The following PCSK5 variants were observed in gnomAD, a reference collection of about 807,000 sequenced individuals.
PCSK5 encodes prohormone convertase 5.
In PCSK5, 129 loss-of-function variants were observed where a neutral mutation model predicts 233.2. The observed-to-expected ratio is 0.55, with a 90% CI of 0.48 to 0.64. The LOEUF (loss-of-function observed/expected upper bound fraction) is 0.64, where lower values mean the gene tolerates loss of function less well. Among genes scored for constraint, PCSK5 ranks in the 30% least tolerant of loss-of-function variants. PCSK5 has a pLI of 0.00. For missense variants in PCSK5, 2,076 were observed against 2,430.1 expected, an observed-to-expected ratio of 0.85 and a Z score of 3.06; for synonymous variants, 825 against 879.2, an observed-to-expected ratio of 0.94 and a Z score of 1.09.
intron 9 of PCSK5, among the ~76,000 whole-genome samples, chr9:76,132,492 C>T (rs1404938906): frequency 3.9e-5 from 6 of 151,976 alleles, no homozygotes; most frequent in Non-Finnish European, 5.9e-5. Context: ...CCAGTCTTAA[C>T]CCGCTCTGGA....
At chr9:75,964,215 A>G (rs35428069) in intron 2 of PCSK5, among the ~76,000 whole-genome samples, 9,738 of 152,318 alleles carry the variant, frequency 0.064, 352 homozygotes, top group Middle Eastern at 0.11. Flanking sequence ...GGCACTGGCC[A>G]GAATACCAGG....
At chr9:75,927,883 G>A (rs558333711) in intron 1 of PCSK5, among the ~76,000 whole-genome samples, 1 of 152,302 alleles carries the variant, frequency 6.6e-6, no homozygotes, top group East Asian at 1.9e-4. Context: ...ATCAAATGCA[G>A]TTTTCCCTGA....
At chr9:76,224,651 G>A (rs1430503716) in intron 20 of PCSK5, among the ~76,000 whole-genome samples, 2 of 152,176 alleles carry the variant, frequency 1.3e-5, no homozygotes, top group African/African-American at 4.8e-5. Flanking sequence ...TCTGGAGGAT[G>A]TATTTAAAAT....
At chr9:76,082,763 G>T (rs947255018) in intron 7 of PCSK5, among the ~76,000 whole-genome samples, 2 of 151,714 alleles carry the variant, frequency 1.3e-5, no homozygotes, top group Non-Finnish European at 2.9e-5. Flanking sequence ...TTCATCAGCA[G>T]GTGTATAATA....
rs141708436 is a variant in PCSK5 at position 76,344,362 on chromosome 9, C to T, written c.4966+5915C>T. On this transcript the variant is annotated intron_variant, in intron 35 of 37. Transcript: ENST00000674117. ...CTCACCACCCACCATTCCCAGGAAG[C>T]CCCTAAAGCAACTCCATAAAAACTC... 2.8e-3 allele frequency among the ~76,000 whole-genome samples: 429 copies of T among 152,138 alleles called. 1 individual carries two copies. The highest frequency in any genetic ancestry group is 0.01 in the African/African-American group (415 of 41,492).
intron 2 of PCSK5, among the ~76,000 whole-genome samples, chr9:75,964,681 A>T (rs1199587118): frequency 6.6e-6 from 1 of 152,236 alleles, no homozygotes; most frequent in East Asian, 1.9e-4. Context: ...ATGCCAATGT[A>T]TGACTAATAG....
At chr9:76,197,686 C>T (rs1460875335) in intron 20 of PCSK5, among the ~76,000 whole-genome samples, 3 of 143,378 alleles carry the variant, frequency 2.1e-5, no homozygotes, top group Non-Finnish European at 4.5e-5. Flanking sequence ...TAAACTATGG[C>T]TCAGCCAATT....
chr9:76,077,518 A>G (rs1830682898), intron 7 of PCSK5, among the ~76,000 whole-genome samples: 2 of 152,150 alleles, frequency 1.3e-5, no homozygotes, highest in African/African-American at 4.8e-5. Flanking sequence ...TAGTGAGTAT[A>G]GTACCCAGCA....
At chr9:76,190,169 C>A (rs928501983) in intron 20 of PCSK5, among the ~76,000 whole-genome samples, 1 of 152,060 alleles carries the variant, frequency 6.6e-6, no homozygotes, top group Non-Finnish European at 1.5e-5. Context: ...CATTATCACC[C>A]AAAGTCCACA....
At chr9:75,910,011 T>C (rs1055088667) in intron 1 of PCSK5, among the ~76,000 whole-genome samples, 1 of 152,228 alleles carries the variant, frequency 6.6e-6, no homozygotes, top group African/African-American at 2.4e-5. Context: ...TTCATTAGTC[T>C]GAGTCCTTGA....
chr9:76,358,509 A>C lies in PCSK5; in HGVS notation c.5255-4A>C. On this transcript the variant is annotated splice_polypyrimidine_tract_variant and splice_region_variant and intron_variant, in intron 37 of 37. Coordinates refer to ENST00000674117, the MANE Select transcript of PCSK5 (RefSeq NM_001372043.1). ...CCTCTTCCTTTGAGGTCTTCTTCCA[A>C]CAGACGAATGCATCCTTCGAACAAG... 2 of 1,604,912 alleles carry C rather than the reference A, an allele frequency of 1.2e-6. No homozygotes were observed. Among genetic ancestry groups the C allele is most frequent in the East Asian group, 4.5e-5 (2 of 44,652 alleles).
At chr9:75,978,172 G>A (rs1826112247) in intron 2 of PCSK5, among the ~76,000 whole-genome samples, 1 of 151,960 alleles carries the variant, frequency 6.6e-6, no homozygotes, top group African/African-American at 2.4e-5. Flanking sequence ...CTTTTAATAA[G>A]GAGAAAATTT....
chr9:75,977,599 T>G (rs1826080738), intron 2 of PCSK5, among the ~76,000 whole-genome samples: 1 of 149,360 alleles, frequency 6.7e-6, no homozygotes, highest in Non-Finnish European at 1.5e-5. Flanking sequence ...AAGATAAAAA[T>G]ATGTACAAGA....
chr9:75,982,433 A>G (rs1426560168), intron 2 of PCSK5, among the ~76,000 whole-genome samples: 2 of 152,172 alleles, frequency 1.3e-5, no homozygotes, highest in Non-Finnish European at 2.9e-5. Context: ...TTATGTGAGA[A>G]TGAACCTTTT....
chr9:76,119,949 A>G (rs1346784905), intron 9 of PCSK5, among the ~76,000 whole-genome samples: 1 of 151,900 alleles, frequency 6.6e-6, no homozygotes, highest in Non-Finnish European at 1.5e-5. Context: ...AGCACTTCCC[A>G]TCACCACCCT....
At chr9:75,961,546 A>G (rs138536010) in intron 2 of PCSK5, among the ~76,000 whole-genome samples, 2 of 152,310 alleles carry the variant, frequency 1.3e-5, no homozygotes, top group Non-Finnish European at 2.9e-5. Flanking sequence ...TTTAAATTCA[A>G]ATTTTACAAC....
intron 1 of PCSK5, among the ~76,000 whole-genome samples, chr9:75,891,620 C>G (rs572803210): frequency 7.2e-5 from 11 of 152,142 alleles, no homozygotes; most frequent in African/African-American, 2.2e-4. Context: ...CCACGCGGGA[C>G]TGGTAGGGTC....
At chr9:76,063,940 C>T (rs1464772698) in intron 5 of PCSK5, among the ~76,000 whole-genome samples, 1 of 69,882 alleles carries the variant, frequency 1.4e-5, no homozygotes, top group Admixed American at 1.2e-4. Flanking sequence ...CCAGACGGGG[C>T]GCCTGGCCGG....
intron 24 of PCSK5, among the ~76,000 whole-genome samples, chr9:76,279,109 G>A (rs1440098308): frequency 4.8e-4 from 61 of 127,706 alleles, no homozygotes; most frequent in Non-Finnish European, 8.1e-4. Context: ...TCCCCTTCCT[G>A]TGTCCATGTG....
Sources: allele counts gnomAD v4.1 joint callset (sites outside exome capture counted in the v4.1 genomes callset), GRCh38; gene constraint gnomAD v4.1.1; transcripts MANE v1.5; gene names NCBI Gene and HGNC (gene_info 2026-07-23, HGNC 2026-07-21).